The following SLC35F3 variants were observed in gnomAD, a reference collection of about 807,000 sequenced individuals.
SLC35F3 encodes solute carrier family 35 member F3.
In SLC35F3, 25 loss-of-function variants were observed where a neutral mutation model predicts 49.9. The observed-to-expected ratio is 0.50, with a 90% CI of 0.37 to 0.70. The LOEUF is 0.70. Among genes scored for constraint, SLC35F3 ranks in the 30% least tolerant of loss-of-function variants. The pLI is 0.00. For synonymous variants in SLC35F3, 275 were observed against 265.4 expected, an observed-to-expected ratio of 1.04 and a Z score of -0.35; for missense variants, 525 against 639.8, an observed-to-expected ratio of 0.82 and a Z score of 1.94.
chr1:234,067,852 T>C (rs1414143257), intron 2 of SLC35F3, among the ~76,000 whole-genome samples: 1 of 152,164 alleles, frequency 6.6e-6, no homozygotes, highest in Non-Finnish European at 1.5e-5. Flanking sequence ...TCATGGGTCA[T>C]GGTGGTGGTG....
chr1:233,981,254 A>G (rs1023189111), intron 2 of SLC35F3, among the ~76,000 whole-genome samples: 4 of 152,222 alleles, frequency 2.6e-5, no homozygotes, highest in African/African-American at 9.6e-5. Flanking sequence ...ATCAAGACAC[A>G]GAACGGATCC....
intron 2 of SLC35F3, among the ~76,000 whole-genome samples, chr1:234,230,287 A>C (rs567611383): frequency 3.7e-4 from 56 of 152,384 alleles, no homozygotes; most frequent in African/African-American, 1.1e-3. Context: ...TCATAGACTC[A>C]TAATGCTTCA....
chr1:234,283,205 G>C (rs752461812), intron 3 of SLC35F3, among the ~76,000 whole-genome samples: 13 of 152,142 alleles, frequency 8.5e-5, no homozygotes, highest in Non-Finnish European at 1.8e-4. Context: ...CACTTCCTGA[G>C]GGATGACCAA....
intron 2 of SLC35F3, among the ~76,000 whole-genome samples, chr1:234,162,347 A>G (rs955277806): frequency 1.7e-5 from 2 of 119,098 alleles, no homozygotes; most frequent in Non-Finnish European, 3.3e-5. Flanking sequence ...GGAGGATTTC[A>G]TGGATTCCAG....
intron 2 of SLC35F3, among the ~76,000 whole-genome samples, chr1:233,924,278 G>GT (rs199816217): frequency 0.01 from 1,595 of 151,996 alleles, 27 homozygotes; most frequent in African/African-American, 0.037. Context: ...TGGTCCTACA[G>GT]TTTTTTTGGT....
At chr1:233,963,505 G>A (rs1271882669) in intron 2 of SLC35F3, among the ~76,000 whole-genome samples, 1 of 152,040 alleles carries the variant, frequency 6.6e-6, no homozygotes, top group Non-Finnish European at 1.5e-5. Flanking sequence ...GTTTCACCAT[G>A]TTAGCCAGGA....
intron 2 of SLC35F3, among the ~76,000 whole-genome samples, chr1:234,056,623 G>A (rs1026826408): frequency 6.6e-6 from 1 of 152,104 alleles, no homozygotes; most frequent in African/African-American, 2.4e-5. Context: ...ACAATATGTG[G>A]TCTTTTGTGA....
intron 2 of SLC35F3, among the ~76,000 whole-genome samples, chr1:234,035,844 T>C (rs1209099791): frequency 6.6e-6 from 1 of 152,210 alleles, no homozygotes; most frequent in Non-Finnish European, 1.5e-5. Context: ...ACATAACAGA[T>C]CTTTTGGACT....
chr1:234,022,909 A>G lies in SLC35F3; in HGVS notation c.283+117151A>G, dbSNP rs140092547. Among the ~76,000 whole-genome samples, 366 of 152,302 alleles carry G rather than the reference A, an allele frequency of 2.4e-3. 2 individuals carry two copies. The highest frequency in any genetic ancestry group is 8.2e-3 in the African/African-American group (341 of 41,574). ...AGTTTCTTTCTTAGAAGCTGAAAACACTGTCCCTGCACAGAGGTGGTTCAG... is the reference window on the plus strand; with the variant it reads ...AGTTTCTTTCTTAGAAGCTGAAAACGCTGTCCCTGCACAGAGGTGGTTCAG... On this transcript the variant is annotated intron_variant, in intron 2 of 7. Transcript: ENST00000366618.
chr1:234,001,223 A>G (rs983046778), intron 2 of SLC35F3, among the ~76,000 whole-genome samples: 11 of 152,198 alleles, frequency 7.2e-5, no homozygotes, highest in African/African-American at 2.7e-4. Flanking sequence ...GTCATGCTTT[A>G]TGACATATCA....
intron 2 of SLC35F3, among the ~76,000 whole-genome samples, chr1:234,223,282 T>C (rs897348228): frequency 6.6e-6 from 1 of 152,186 alleles, no homozygotes; most frequent in Non-Finnish European, 1.5e-5. Flanking sequence ...GAGATGGTGA[T>C]GATGGGTGGG....
chr1:234,209,349 C>G (rs1667018247), intron 2 of SLC35F3, among the ~76,000 whole-genome samples: 1 of 151,410 alleles, frequency 6.6e-6, no homozygotes, highest in African/African-American at 2.4e-5. Context: ...TGGCCTAACT[C>G]CAGTTAGGCC....
chr1:234,294,494 C>G (rs1267318093), intron 3 of SLC35F3, among the ~76,000 whole-genome samples: 1 of 152,208 alleles, frequency 6.6e-6, no homozygotes, highest in South Asian at 2.1e-4. Context: ...TAACTAGCTC[C>G]CCATCACCCT....
At chr1:234,217,706 G>A (rs1374877318) in intron 2 of SLC35F3, among the ~76,000 whole-genome samples, 1 of 152,070 alleles carries the variant, frequency 6.6e-6, no homozygotes, top group African/African-American at 2.4e-5. Flanking sequence ...GGGCTTCTAA[G>A]GAGAAGGCCT....
At chr1:234,039,853 C>G (rs1185142242) in intron 2 of SLC35F3, among the ~76,000 whole-genome samples, 1 of 152,192 alleles carries the variant, frequency 6.6e-6, no homozygotes, top group Non-Finnish European at 1.5e-5. Flanking sequence ...CCCCAAGGCC[C>G]CAGAAGGCAC....
chr1:233,960,787 C>A (rs1283779135), intron 2 of SLC35F3, among the ~76,000 whole-genome samples: 1 of 152,182 alleles, frequency 6.6e-6, no homozygotes, highest in Non-Finnish European at 1.5e-5. Flanking sequence ...GTGAATGAGG[C>A]ATGTCTGAAA....
intron 2 of SLC35F3, among the ~76,000 whole-genome samples, chr1:234,096,647 GT>G (rs1276514010): frequency 6.6e-6 from 1 of 152,126 alleles, no homozygotes; most frequent in African/African-American, 2.4e-5. Flanking sequence ...ACTGGAGAAG[GT>G]TGGGGGAGCT....
intron 2 of SLC35F3, among the ~76,000 whole-genome samples, chr1:234,020,115 C>T (rs1663868196): frequency 6.6e-6 from 1 of 151,528 alleles, no homozygotes; most frequent in Non-Finnish European, 1.5e-5. Context: ...GGGTAAGCTG[C>T]ACGCCATTCC....
chr1:234,080,406 A>G (rs1358675201), intron 2 of SLC35F3, among the ~76,000 whole-genome samples: 1 of 152,214 alleles, frequency 6.6e-6, no homozygotes, highest in Non-Finnish European at 1.5e-5. Flanking sequence ...AGAATAGAAA[A>G]CATATATTCA....
Sources: allele counts gnomAD v4.1 joint callset (sites outside exome capture counted in the v4.1 genomes callset), GRCh38; gene constraint gnomAD v4.1.1; transcripts MANE v1.5; gene names NCBI Gene and HGNC (gene_info 2026-07-23, HGNC 2026-07-21).